Variants in SPRYD4 observed in about 807,000 individuals in gnomAD.
SPRYD4 encodes the protein SPRY domain containing 4.
In SPRYD4, 12 loss-of-function variants were observed where a neutral mutation model predicts 16.6. That is an observed-to-expected ratio of 0.72 (90% CI 0.46 to 1.17). SPRYD4 has a LOEUF of 1.17. SPRYD4 is among the 50% of genes most tolerant of loss of function. The probability of loss-of-function intolerance (pLI) is 0.00; values close to 1 mark genes in which losing one functional copy is unlikely to be tolerated. For missense variants in SPRYD4, 260 were observed against 260.2 expected, an observed-to-expected ratio of 1.00 and a Z score of 0.00; for synonymous variants, 98 against 105.4, an observed-to-expected ratio of 0.93 and a Z score of 0.43.
chr12:56,469,555 T>G lies in SPRYD4; in HGVS notation c.602T>G (p.Leu201Arg). 5.0e-6 allele frequency: 8 copies of G among 1,613,784 alleles called. No individual in the cohort carries two copies. Among genetic ancestry groups the G allele is most frequent in the Non-Finnish European group, 6.8e-6 (8 of 1,179,834 alleles). Residue 201 changes from leucine to arginine, a missense_variant, in exon 2 of 2, where the codon CTT (leucine) becomes CGT (arginine). Leu to Arg is a moderately radical substitution (Grantham distance 102). Coordinates refer to ENST00000338146, the MANE Select transcript of SPRYD4 (RefSeq NM_207344.4). Reference protein sequence around the residue: ...WDGELLTHSGLEVPEGL With the variant: ...WDGELLTHSGREVPEGL ...GGGGAGCTGCTGACCCATTCAGGGC[T>G]TGAGGTGCCCGAGGGCCTCTAGTAT...
In SPRYD4 at chr12:56,472,078, T is replaced by G; in HGVS notation, c.*2501T>G. The G allele has an allele frequency of 6.2e-7, 1 of 1,601,496 alleles. No homozygotes were observed. Among genetic ancestry groups the G allele is most frequent in the Non-Finnish European group, 8.6e-7 (1 of 1,169,352 alleles). On this transcript the variant is annotated 3_prime_UTR_variant, in exon 2 of 2. Coordinates refer to ENST00000338146, the MANE Select transcript of SPRYD4 (RefSeq NM_207344.4). Reference sequence around the variant, plus strand: ...TACTTTTGGTGAAAAAGAAAGGGTCTTATGATTACCCTCCTCCTCCCCTCC... The same window carrying G: ...TACTTTTGGTGAAAAAGAAAGGGTCGTATGATTACCCTCCTCCTCCCCTCC...
chr12:56,468,923 T>C, intron 1 of SPRYD4, 116 bp from the exon 2 acceptor site: 8 of 1,352,514 alleles, frequency 5.9e-6, no homozygotes, highest in Non-Finnish European at 8.0e-6. Flanking sequence ...CCGCTTGGCA[T>C]TCTGACTCTT....
In SPRYD4 at chr12:56,478,400, T is replaced by C; in HGVS notation, c.*8823T>C. Reference sequence around the variant, plus strand: ...GGCAGAGGGGTTCCCTCCTGCCTGTTGCTCCCAGAAATGCCCGAGCCTTAA... The same window carrying C: ...GGCAGAGGGGTTCCCTCCTGCCTGTCGCTCCCAGAAATGCCCGAGCCTTAA... On this transcript the variant is annotated 3_prime_UTR_variant, in exon 2 of 2. Transcript: ENST00000338146. 1.2e-6 allele frequency: 1 copy of C among 833,700 alleles called. No individual in the cohort carries two copies. Among genetic ancestry groups the C allele is most frequent in the Non-Finnish European group, 1.9e-6 (1 of 526,430 alleles). The allele number at this position is 833,700 out of a possible 1,614,324, so 51.6% of individuals were successfully genotyped here. A position where few individuals can be genotyped will look rare whatever the true frequency, so the allele number is the denominator to read the frequency against.
chr12:56,472,048 G>T lies in SPRYD4; in HGVS notation c.*2471G>T. The T allele has an allele frequency of 6.6e-7, 1 of 1,525,468 alleles. No individual in the cohort carries two copies. The highest frequency in any genetic ancestry group is 1.1e-5 in the South Asian group (1 of 87,726). The allele number at this position is 1,525,468 out of a possible 1,614,324, so 94.5% of individuals were successfully genotyped here. A position where few individuals can be genotyped will look rare whatever the true frequency, so the allele number is the denominator to read the frequency against. ...CTATAACCTTGAGGGCACATATAAT[G>T]AAGGTACTTTTGGTGAAAAAGAAAG... On this transcript the variant is annotated 3_prime_UTR_variant, in exon 2 of 2. Coordinates refer to ENST00000338146, the MANE Select transcript of SPRYD4 (RefSeq NM_207344.4).
In SPRYD4 at chr12:56,473,664, G is replaced by C; in HGVS notation, c.*4087G>C. The C allele has an allele frequency of 6.5e-7, 1 of 1,529,024 alleles. No individual in the cohort carries two copies. The highest frequency in any genetic ancestry group is 1.3e-5 in the South Asian group (1 of 77,034). The allele number at this position is 1,529,024 out of a possible 1,614,324, so 94.7% of individuals were successfully genotyped here. The stretch of plus-strand genomic sequence containing the variant: ...AATCAGAAAATAAACAAGTTAGGCT[G>C]TACTCTTAACAAGTTTACAAATGAC... On this transcript the variant is annotated 3_prime_UTR_variant, in exon 2 of 2. Coordinates refer to ENST00000338146, the MANE Select transcript of SPRYD4 (RefSeq NM_207344.4).
rs757129461 is a variant in SPRYD4 at position 56,479,145 on chromosome 12, T to C, written c.*9568T>C. On this transcript the variant is annotated 3_prime_UTR_variant, in exon 2 of 2. Coordinates refer to ENST00000338146, the MANE Select transcript of SPRYD4 (RefSeq NM_207344.4). ...CAGGAATGACAAACTTCTTTCGGAA[T>C]GCCTGGGTCAGGAGCACAATGTTGC... is the stretch of plus-strand genomic sequence containing the variant. 6.2e-7 allele frequency: 1 copy of C among 1,614,056 alleles called. No homozygotes were observed. Among genetic ancestry groups the C allele is most frequent in the Non-Finnish European group, 8.5e-7 (1 of 1,180,018 alleles).
chr12:56,472,493 T>G lies in SPRYD4; in HGVS notation c.*2916T>G. ...GCTCTTAACACTCAATAACAATGGC[T>G]AACATTAATTATCATAGAGCAGACA... On this transcript the variant is annotated 3_prime_UTR_variant, in exon 2 of 2. Coordinates refer to ENST00000338146, the MANE Select transcript of SPRYD4 (RefSeq NM_207344.4). The G allele has an allele frequency of 1.6e-6, 1 of 617,452 alleles. No homozygotes were observed. Among genetic ancestry groups the G allele is most frequent in the Non-Finnish European group, 2.8e-6 (1 of 352,918 alleles). The allele number at this position is 617,452 out of a possible 1,614,324, so 38.2% of individuals were successfully genotyped here.
Position 56,469,162 on chromosome 12 carries a change from G to A in SPRYD4, c.209G>A (p.Arg70His). 6.2e-7 allele frequency: 1 copy of A among 1,614,164 alleles called. No individual in the cohort carries two copies. Among genetic ancestry groups the A allele is most frequent in the Non-Finnish European group, 8.5e-7 (1 of 1,180,026 alleles). Reference protein sequence around the residue: ...EPTKVALNVERFREWAVVLAD... With the variant: ...EPTKVALNVEHFREWAVVLAD... ...ACCAAGGTGGCCTTGAATGTGGAGC[G>A]CTTCCGGGAGTGGGCAGTGGTGCTG... is the stretch of plus-strand genomic sequence containing the variant. Residue 70 changes from arginine (R) to histidine (H), a missense_variant, in exon 2 of 2, where the codon CGC becomes CAC. Physicochemically the swap from Arg to His is conservative, Grantham distance 29 (BLOSUM62 0). Coordinates refer to ENST00000338146, the MANE Select transcript of SPRYD4 (RefSeq NM_207344.4).
At position 56,473,296 on chromosome 12, in the gene SPRYD4, G is replaced by A; in HGVS notation, c.*3719G>A. The A allele has an allele frequency of 1.9e-6, 3 of 1,614,030 alleles. No homozygotes were observed. Among genetic ancestry groups the A allele is most frequent in the Non-Finnish European group, 1.7e-6 (2 of 1,180,022 alleles). ...CAGTGCCTCAGGTTGTCATAGTTGT[G>A]GAAATTGAAGAGAGACACCAACTTC... On this transcript the variant is annotated 3_prime_UTR_variant, in exon 2 of 2. Transcript: ENST00000338146.
In SPRYD4 at chr12:56,477,615, G is replaced by A. The variant is rs1869934235; in HGVS notation, c.*8038G>A. 6.4e-7 allele frequency: 1 copy of A among 1,566,716 alleles called. No homozygotes were observed. Among genetic ancestry groups the A allele is most frequent in the Non-Finnish European group, 8.7e-7 (1 of 1,145,220 alleles). ...AAATATGAGGGATACAGGAACACAGGAGCTTAGAGGATAATACCTATCAGA... is the reference window on the plus strand; with the variant it reads ...AAATATGAGGGATACAGGAACACAGAAGCTTAGAGGATAATACCTATCAGA... On this transcript the variant is annotated 3_prime_UTR_variant, in exon 2 of 2. Transcript: ENST00000338146.
rs1869756970 is a variant in SPRYD4, at chr12:56,475,824, A to G, written c.*6247A>G. 1.4e-6 allele frequency: 2 copies of G among 1,415,014 alleles called. No individual in the cohort carries two copies. Among genetic ancestry groups the G allele is most frequent in the Non-Finnish European group, 2.0e-6 (2 of 1,002,900 alleles). The allele number at this position is 1,415,014 out of a possible 1,614,324, so 87.7% of individuals were successfully genotyped here. On this transcript the variant is annotated 3_prime_UTR_variant, in exon 2 of 2. Transcript: ENST00000338146. The stretch of plus-strand genomic sequence containing the variant: ...CCAGCAGATTTCCACATTTCTGGAA[A>G]TAAGGCTTCTAGTATGGGCTGGTGC...
At position 56,470,853 on chromosome 12, in the gene SPRYD4, C is replaced by G. The variant is rs1185410833; in HGVS notation, c.*1276C>G. 1.3e-5 allele frequency: 2 copies of G among 152,078 alleles called. No homozygotes were observed. Among genetic ancestry groups the G allele is most frequent in the East Asian group, 3.9e-4 (2 of 5,084 alleles). The allele number at this position is 152,078 out of a possible 1,614,324, so 9.4% of individuals were successfully genotyped here. A position where few individuals can be genotyped will look rare whatever the true frequency, so the allele number is the denominator to read the frequency against. ...CTGTTTGGTAGGGTAGGTAGAGAAG[C>G]TGTGCTTTGACCCTGTGATTCCATC... On this transcript the variant is annotated 3_prime_UTR_variant, in exon 2 of 2. Transcript: ENST00000338146.
In SPRYD4 at chr12:56,473,570, C is replaced by G. The variant is rs1297712440; in HGVS notation, c.*3993C>G. The G allele has an allele frequency of 6.2e-7, 1 of 1,612,252 alleles. No homozygotes were observed. Among genetic ancestry groups the G allele is most frequent in the Admixed American group, 1.7e-5 (1 of 59,922 alleles). On this transcript the variant is annotated 3_prime_UTR_variant, in exon 2 of 2. Transcript: ENST00000338146. ...ACCACCAGGAGGATGGCTCCTGATA[C>G]AGCTGACTTGGCTGGCAGGCCCACC...
chr12:56,475,929 T>C lies in SPRYD4; in HGVS notation c.*6352T>C. ...TGGCGAAATGCAGCCAGGGGCTAAGTAGCAAGGGAACTTACAAAATCAAAC... is the reference window on the plus strand; with the variant it reads ...TGGCGAAATGCAGCCAGGGGCTAAGCAGCAAGGGAACTTACAAAATCAAAC... On this transcript the variant is annotated 3_prime_UTR_variant, in exon 2 of 2. Coordinates refer to ENST00000338146, the MANE Select transcript of SPRYD4 (RefSeq NM_207344.4). 1 of 1,613,748 alleles carries C rather than the reference T, an allele frequency of 6.2e-7. No individual in the cohort carries two copies. Among genetic ancestry groups the C allele is most frequent in the Non-Finnish European group, 8.5e-7 (1 of 1,179,852 alleles).
rs200851185 is a variant in SPRYD4 at position 56,472,885 on chromosome 12, C to A, written c.*3308C>A. ...ATGGAATGTGCTACTCTGAAATATT[C>A]TTTTTTTTTTTTTTTTTTTTGAGAC... On this transcript the variant is annotated 3_prime_UTR_variant, in exon 2 of 2. Coordinates refer to ENST00000338146, the MANE Select transcript of SPRYD4 (RefSeq NM_207344.4). The A allele has an allele frequency of 4.8e-5, 19 of 399,730 alleles. No individual in the cohort carries two copies. The highest frequency in any genetic ancestry group is 8.4e-5 in the Non-Finnish European group (19 of 225,926). 24.8% of individuals were successfully genotyped at this position (399,730 alleles called of 1,614,324 possible).
rs1000094799 is a variant in SPRYD4, at chr12:56,475,547, C to G, written c.*5970C>G. The G allele has an allele frequency of 1.5e-5, 21 of 1,446,588 alleles. No individual in the cohort carries two copies. The highest frequency in any genetic ancestry group is 1.9e-5 in the Non-Finnish European group (20 of 1,037,568). 89.6% of individuals were successfully genotyped at this position (1,446,588 alleles called of 1,614,324 possible). On this transcript the variant is annotated 3_prime_UTR_variant, in exon 2 of 2. Transcript: ENST00000338146. ...CTTCCTCCTAAGATTCTCTCTCCCCCATTCCTCTTGTCCCCATCCTAAGTA... is the reference window on the plus strand; with the variant it reads ...CTTCCTCCTAAGATTCTCTCTCCCCGATTCCTCTTGTCCCCATCCTAAGTA...
rs534737604 is a variant in SPRYD4, at chr12:56,477,777, C to A, written c.*8200C>A. 5 of 1,570,952 alleles carry A rather than the reference C, an allele frequency of 3.2e-6. No homozygotes were observed. In the Admixed American group the frequency reaches 9.1e-5, roughly 28 times the overall value. ...ACTGAACAAAGCCTCCCTGACAGCC[C>A]GCTCACTTTGTGGGTTAGACAAGAA... On this transcript the variant is annotated 3_prime_UTR_variant, in exon 2 of 2. Coordinates refer to ENST00000338146, the MANE Select transcript of SPRYD4 (RefSeq NM_207344.4).
In SPRYD4 at chr12:56,472,205, G is replaced by A; in HGVS notation, c.*2628G>A. Reference sequence around the variant, plus strand: ...GGCTGACAAGGCAAACCTGAGGGTAGTGGGAAAGCAGCTAGAGTTGCCTAG... The same window carrying A: ...GGCTGACAAGGCAAACCTGAGGGTAATGGGAAAGCAGCTAGAGTTGCCTAG... On this transcript the variant is annotated 3_prime_UTR_variant, in exon 2 of 2. Coordinates refer to ENST00000338146, the MANE Select transcript of SPRYD4 (RefSeq NM_207344.4). 6.2e-7 allele frequency: 1 copy of A among 1,613,914 alleles called. No homozygotes were observed. Among genetic ancestry groups the A allele is most frequent in the Non-Finnish European group, 8.5e-7 (1 of 1,179,778 alleles).
chr12:56,469,207 G>C lies in SPRYD4; in HGVS notation c.254G>C (p.Ser85Thr), dbSNP rs1410391541. ...GTGCTGGCAGACACAGCGGTCACCAGTGGCAGACACTACTGGGAAGTGACA... is the reference window on the plus strand; with the variant it reads ...GTGCTGGCAGACACAGCGGTCACCACTGGCAGACACTACTGGGAAGTGACA... Reference protein sequence around the residue: ...AVVLADTAVTSGRHYWEVTVK... With the variant: ...AVVLADTAVTTGRHYWEVTVK... The change falls in exon 2 of 2, where the codon AGT (serine) becomes ACT (threonine). Residue 85 changes from serine (S) to threonine (T), a missense_variant. Ser to Thr is a moderately conservative substitution (Grantham distance 58). Coordinates refer to ENST00000338146, the MANE Select transcript of SPRYD4 (RefSeq NM_207344.4). 2 of 1,614,202 alleles carry C rather than the reference G, an allele frequency of 1.2e-6. No homozygotes were observed. The highest frequency in any genetic ancestry group is 2.2e-5 in the South Asian group (2 of 91,082).
Sources: gnomAD v4.1 joint callset for allele counts on GRCh38, gnomAD v4.1.1 for gene constraint, MANE v1.5 for transcripts, NCBI Gene and HGNC (gene_info 2026-07-23, HGNC 2026-07-21) for gene names.